MYO16: variants seen among roughly 807,000 people sequenced by gnomAD.
MYO16 encodes unconventional myosin-XVI.
In MYO16, 94 loss-of-function variants were observed where a neutral mutation model predicts 205.3. The ratio of observed to expected loss-of-function variants is 0.46; its 90% CI spans 0.39 to 0.54. The LOEUF is 0.54. MYO16 is among the 20% of genes least tolerant of loss of function. The probability of loss-of-function intolerance (pLI) is 0.00; values close to 1 mark genes in which losing one functional copy is unlikely to be tolerated. For synonymous variants in MYO16, 988 were observed against 954.0 expected, an observed-to-expected ratio of 1.04 and a Z score of -0.66; for missense variants, 2,315 against 2,387.5, an observed-to-expected ratio of 0.97 and a Z score of 0.63.
chr13:109,095,400 G>A (rs9521172), intron 27 of MYO16, among the ~76,000 whole-genome samples: 1 of 152,004 alleles, frequency 6.6e-6, no homozygotes. Flanking sequence ...CTGGGGGAAC[G>A]TGTTTTAGCT....
chr13:108,691,883 A>G (rs1882910536), intron 2 of MYO16, among the ~76,000 whole-genome samples: 1 of 152,194 alleles, frequency 6.6e-6, no homozygotes, highest in African/African-American at 2.4e-5. Context: ...TAAAATGGTC[A>G]TATTTCTGAA....
intron 6 of MYO16, among the ~76,000 whole-genome samples, chr13:108,798,947 C>T (rs1886887342): frequency 6.7e-6 from 1 of 149,294 alleles, no homozygotes; most frequent in Non-Finnish European, 1.5e-5. Context: ...CCTCATGATC[C>T]ACCCGCCTCG....
At chr13:108,564,813 T>G in the MYO16 span, among the ~76,000 whole-genome samples, 16,027 of 152,246 alleles carry the variant, frequency 0.11, 1,148 homozygotes, top group Non-Finnish European at 0.16. Flanking sequence ...TAATCTGTTT[T>G]GTTTTGATTT....
chr13:108,858,326 C>A (rs1168762846), intron 11 of MYO16, among the ~76,000 whole-genome samples: 3 of 152,158 alleles, frequency 2.0e-5, no homozygotes, highest in African/African-American at 7.2e-5. Context: ...GGACTAAAAA[C>A]AAGTGATCCT....
intron 8 of MYO16, among the ~76,000 whole-genome samples, chr13:108,822,117 G>A (rs2391699): frequency 0.23 from 35,353 of 151,906 alleles, 4,862 homozygotes; most frequent in East Asian, 0.66. Context: ...AATGAAAGTC[G>A]TCATCAGTAC....
At chr13:108,676,393 G>GTGTGTGTT (rs1412178434) in intron 2 of MYO16, among the ~76,000 whole-genome samples, 6 of 146,386 alleles carry the variant, frequency 4.1e-5, no homozygotes, top group African/African-American at 1.5e-4. Flanking sequence ...GTGTGTGTGT[G>GTGTGTGTT]TGTGTGTGTG....
chr13:108,987,398 T>C (rs1193649715), intron 20 of MYO16, among the ~76,000 whole-genome samples: 1 of 152,160 alleles, frequency 6.6e-6, no homozygotes, highest in Non-Finnish European at 1.5e-5. Context: ...CAAGTTTCTC[T>C]CATAGACTAA....
chr13:108,941,339 C>A (rs1194188880), intron 16 of MYO16, among the ~76,000 whole-genome samples: 1 of 152,146 alleles, frequency 6.6e-6, no homozygotes, highest in African/African-American at 2.4e-5. Context: ...GAGGGGCCTA[C>A]TTCCTGCCAT....
the MYO16 span, among the ~76,000 whole-genome samples, chr13:108,561,370 C>T: frequency 2.0e-5 from 3 of 152,336 alleles, no homozygotes; most frequent in Non-Finnish European, 2.9e-5. Flanking sequence ...CCAAGGGCAA[C>T]GTTTGCCAGA....
chr13:109,019,914 A>G lies in MYO16; in HGVS notation c.2796+3A>G. On this transcript the variant is annotated splice_donor_region_variant and intron_variant, in intron 23 of 34. Transcript: ENST00000457511. ...CCATCATGCACTACGCAGGAAGGGT[A>G]AGTGGCCAGAACTGCATAATTTTTC... 6.2e-7 allele frequency: 1 copy of G among 1,613,944 alleles called. No homozygotes were observed. Among genetic ancestry groups the G allele is most frequent in the South Asian group, 1.1e-5 (1 of 91,024 alleles).
chr13:109,140,992 A>ACGCCGC lies in MYO16; in HGVS notation c.4782_4787dup (p.Pro1601_Pro1602dup), dbSNP rs1555334998. ...GTCCGGCCGAGCCTCCCCGCCGTCC[A>ACGCCGC]CGCCGCCCCCGCCCCCGCCCCCGCC... On this transcript the variant is annotated inframe_insertion, in exon 32 of 35. Transcript: ENST00000457511. This position sits in a 1 kb window ranked among gnomAD's most constrained non-coding sequence, Gnocchi z 8.0. 5 of 1,339,592 alleles carry ACGCCGC rather than the reference A, an allele frequency of 3.7e-6. No homozygotes were observed. Among genetic ancestry groups the ACGCCGC allele is most frequent in the East Asian group, 3.1e-5 (1 of 32,018 alleles). The allele number at this position is 1,339,592 out of a possible 1,614,324, so 83.0% of individuals were successfully genotyped here. A position where few individuals can be genotyped will look rare whatever the true frequency, so the allele number is the denominator to read the frequency against.
chr13:109,203,424 C>CT (rs113717486), intron 34 of MYO16, among the ~76,000 whole-genome samples: 3,309 of 144,932 alleles, frequency 0.023, 33 homozygotes, highest in East Asian at 0.029. Context: ...TTTATGTTGA[C>CT]TTTTTTTTTT....
intron 34 of MYO16, among the ~76,000 whole-genome samples, chr13:109,184,710 C>G (rs1203329090): frequency 3.3e-5 from 5 of 152,110 alleles, no homozygotes; most frequent in Admixed American, 6.5e-5. Flanking sequence ...GATTCTTCTG[C>G]CTCAGCCTCC....
At chr13:108,751,679 G>A (rs939988571) in intron 4 of MYO16, among the ~76,000 whole-genome samples, 7 of 152,088 alleles carry the variant, frequency 4.6e-5, no homozygotes, top group African/African-American at 1.7e-4. Context: ...AGAGTGGCAA[G>A]CCATACCGAT....
At chr13:108,692,679 C>A (rs1882943774) in intron 2 of MYO16, among the ~76,000 whole-genome samples, 1 of 152,064 alleles carries the variant, frequency 6.6e-6, no homozygotes, top group East Asian at 1.9e-4. Flanking sequence ...TCTCTGGGGA[C>A]AACAGTTATG....
intron 6 of MYO16, among the ~76,000 whole-genome samples, chr13:108,804,834 C>T (rs548516542): frequency 6.6e-6 from 1 of 152,178 alleles, no homozygotes; most frequent in African/African-American, 2.4e-5. Context: ...TGAGCCAGGA[C>T]TTCTAGTCTT....
chr13:108,798,450 T>A (rs9583293), intron 6 of MYO16, among the ~76,000 whole-genome samples: 53,494 of 151,946 alleles, frequency 0.35, 9,731 homozygotes, highest in African/African-American at 0.43. Context: ...AACATATCTC[T>A]TTTTAAAAGG....
chr13:108,640,355 C>G (rs1880449477), intron 1 of MYO16, among the ~76,000 whole-genome samples: 2 of 152,040 alleles, frequency 1.3e-5, no homozygotes, highest in South Asian at 2.1e-4. Flanking sequence ...AGACGTAGAG[C>G]AGGGCCAGGG....
intron 21 of MYO16, among the ~76,000 whole-genome samples, chr13:109,003,289 C>T (rs1885277098): frequency 6.6e-6 from 1 of 152,094 alleles, no homozygotes. Flanking sequence ...GGAAATTTCT[C>T]TACGGGATTT....
Sources: allele counts gnomAD v4.1 joint callset (sites outside exome capture counted in the v4.1 genomes callset), GRCh38; gene constraint gnomAD v4.1.1; non-coding constraint Gnocchi (gnomAD v3.1); transcripts MANE v1.5; gene names NCBI Gene and HGNC (gene_info 2026-07-23, HGNC 2026-07-21).